The following AFF3 variants were observed in gnomAD, a reference collection of about 807,000 sequenced individuals.
AFF3 encodes the protein AF4/FMR2 family member 3.
In AFF3, 32 loss-of-function variants were observed where a neutral mutation model predicts 129.7. That is an observed-to-expected ratio of 0.25 (90% CI 0.19 to 0.33). The LOEUF is 0.33. Among genes scored for constraint, AFF3 ranks in the 10% least tolerant of loss-of-function variants. The pLI is 1.00. For missense variants in AFF3, 1,373 were observed against 1,592.0 expected (o/e 0.86, Z 2.34); for synonymous variants, 644 against 635.4 (o/e 1.01, Z -0.20).
At chr2:99,989,202 G>C (rs1680130280) in intron 7 of AFF3, among the ~76,000 whole-genome samples, 1 of 152,124 alleles carries the variant, frequency 6.6e-6, no homozygotes, top group South Asian at 2.1e-4. Flanking sequence ...TATCCACATA[G>C]GCAAATCAAG....
At chr2:99,857,948 T>C (rs1295281084) in intron 7 of AFF3, among the ~76,000 whole-genome samples, 1 of 152,090 alleles carries the variant, frequency 6.6e-6, no homozygotes, top group African/African-American at 2.4e-5. Context: ...TTCACTCCCC[T>C]CCTCCTCCCA....
chr2:99,966,863 T>C (rs1374425837), intron 7 of AFF3, among the ~76,000 whole-genome samples: 1 of 151,900 alleles, frequency 6.6e-6, no homozygotes, highest in Non-Finnish European at 1.5e-5. Flanking sequence ...TTAAGATAAA[T>C]ATGAAAATGG....
At chr2:99,778,316 A>G (rs1684106990) in intron 8 of AFF3, among the ~76,000 whole-genome samples, 1 of 152,226 alleles carries the variant, frequency 6.6e-6, no homozygotes, top group Admixed American at 6.5e-5. Context: ...GTGAAGCTCA[A>G]AAATATTTGT....
chr2:99,600,955 T>C (rs1407606737), intron 14 of AFF3, among the ~76,000 whole-genome samples: 1 of 152,236 alleles, frequency 6.6e-6, no homozygotes, highest in African/African-American at 2.4e-5. Context: ...AAGAAGGTTT[T>C]ATTAATATTT....
At chr2:100,127,498 C>T (rs1002632647) in intron 2 of AFF3, among the ~76,000 whole-genome samples, 15 of 152,210 alleles carry the variant, frequency 9.9e-5, no homozygotes, top group African/African-American at 3.1e-4. Context: ...TGGTTCCTTG[C>T]GGTCACTTCC....
At chr2:99,628,007 G>A (rs1682763557) in intron 13 of AFF3, among the ~76,000 whole-genome samples, 1 of 152,200 alleles carries the variant, frequency 6.6e-6, no homozygotes, top group East Asian at 1.9e-4. Context: ...GATGCCTCCA[G>A]CTTTTTGTTC....
chr2:100,053,646 G>A (rs889520845), intron 4 of AFF3, among the ~76,000 whole-genome samples: 25 of 152,184 alleles, frequency 1.6e-4, no homozygotes, highest in Non-Finnish European at 2.2e-4. Flanking sequence ...TCGTCTTTCC[G>A]GCTGAATCAT....
At chr2:100,066,584 T>G (rs1687733983) in intron 4 of AFF3, among the ~76,000 whole-genome samples, 1 of 152,180 alleles carries the variant, frequency 6.6e-6, no homozygotes, top group Non-Finnish European at 1.5e-5. Context: ...TCAATTACAC[T>G]TTAATGTGTT....
At chr2:99,873,037 C>G (rs1691999537) in intron 7 of AFF3, among the ~76,000 whole-genome samples, 1 of 152,224 alleles carries the variant, frequency 6.6e-6, no homozygotes, top group African/African-American at 2.4e-5. Flanking sequence ...CATAGTCTGT[C>G]TCTTACCCAT....
At chr2:99,684,582 T>C (rs1049942383) in intron 11 of AFF3, among the ~76,000 whole-genome samples, 6 of 151,896 alleles carry the variant, frequency 4.0e-5, no homozygotes, top group African/African-American at 1.5e-4. Context: ...GATTGGTAGA[T>C]GATCCTCACA....
chr2:100,123,812 C>T (rs1447001260), intron 2 of AFF3, among the ~76,000 whole-genome samples: 1 of 152,064 alleles, frequency 6.6e-6, no homozygotes, highest in East Asian at 1.9e-4. Flanking sequence ...TCACTTAATC[C>T]CACTCCCTTA....
intron 11 of AFF3, among the ~76,000 whole-genome samples, chr2:99,699,236 C>T (rs1193468381): frequency 1.3e-5 from 2 of 152,180 alleles, no homozygotes; most frequent in African/African-American, 4.8e-5. Flanking sequence ...GAAGCTGTGC[C>T]TCTCCAGCTG....
chr2:100,126,796 CTCAAA>C (rs1692211536), intron 2 of AFF3, among the ~76,000 whole-genome samples: 1 of 152,176 alleles, frequency 6.6e-6, no homozygotes, highest in African/African-American at 2.4e-5. Flanking sequence ...GCAAAAGCCT[CTCAAA>C]TCAATTATGT....
intron 8 of AFF3, among the ~76,000 whole-genome samples, chr2:99,759,322 G>A (rs1682387383): frequency 6.6e-6 from 1 of 152,182 alleles, no homozygotes; most frequent in African/African-American, 2.4e-5. Flanking sequence ...TCTTTTAAGA[G>A]CATTCAGTTT....
At chr2:99,865,136 C>A (rs185390574) in intron 7 of AFF3, among the ~76,000 whole-genome samples, 18 of 152,248 alleles carry the variant, frequency 1.2e-4, no homozygotes, top group African/African-American at 3.6e-4. Context: ...AAGCAACGGT[C>A]GGGTGAGATG....
intron 11 of AFF3, among the ~76,000 whole-genome samples, chr2:99,711,985 G>A (rs1208868385): frequency 6.6e-6 from 1 of 152,156 alleles, no homozygotes; most frequent in African/African-American, 2.4e-5. Flanking sequence ...CTTAACTCAT[G>A]TCTCTGTGGA....
chr2:99,829,655 AAG>A (rs1321785807), intron 8 of AFF3, among the ~76,000 whole-genome samples: 1 of 152,236 alleles, frequency 6.6e-6, no homozygotes, highest in Non-Finnish European at 1.5e-5. Flanking sequence ...GCTGTGGAGA[AAG>A]AGGAATGCTT....
At chr2:99,578,292 T>C (rs772032135) in intron 18 of AFF3, 35 bp downstream of exon 18, 1 of 1,568,922 alleles carries the variant, frequency 6.4e-7, no homozygotes, top group East Asian at 2.3e-5. Context: ...TGTTCTGTCT[T>C]GCCCCTCACC....
chr2:99,668,091 G>A (rs1686835787), intron 12 of AFF3, among the ~76,000 whole-genome samples: 1 of 152,006 alleles, frequency 6.6e-6, no homozygotes, highest in Non-Finnish European at 1.5e-5. Flanking sequence ...CCAGGAGGCA[G>A]AGCTTGCAGT....
Sources: gnomAD v4.1 joint callset for allele counts (sites outside exome capture counted in the v4.1 genomes callset) on GRCh38, gnomAD v4.1.1 for gene constraint, MANE v1.5 for transcripts, NCBI Gene and HGNC (gene_info 2026-07-23, HGNC 2026-07-21) for gene names.